The following FAM168A variants were observed in gnomAD, a reference collection of about 807,000 sequenced individuals.
The protein encoded by FAM168A is protein FAM168A.
In FAM168A, 3 loss-of-function variants were observed where a neutral mutation model predicts 28.5. That is an observed-to-expected ratio of 0.11 (90% CI 0.05 to 0.27). The LOEUF (loss-of-function observed/expected upper bound fraction) is 0.27. Among genes scored for constraint, FAM168A ranks in the 10% least tolerant of loss-of-function variants. FAM168A has a pLI of 1.00. For synonymous variants in FAM168A, 122 were observed against 124.2 expected (o/e 0.98, Z 0.12); for missense variants, 222 against 311.5 (o/e 0.71, Z 2.16).
chr11:73,454,692 T>C (rs2134552332), intron 2 of FAM168A, among the ~76,000 whole-genome samples: 1 of 152,318 alleles, frequency 6.6e-6, no homozygotes, highest in East Asian at 1.9e-4. Flanking sequence ...AAACTCCAGA[T>C]TCAGCTGGTA....
intron 1 of FAM168A, among the ~76,000 whole-genome samples, chr11:73,560,295 T>G (rs566223666): frequency 2.0e-5 from 3 of 152,096 alleles, no homozygotes; most frequent in Admixed American, 1.3e-4. Flanking sequence ...AATTATGGCT[T>G]CAAGCATTCC....
At chr11:73,495,300 G>T (rs1854849837) in intron 1 of FAM168A, among the ~76,000 whole-genome samples, 1 of 152,198 alleles carries the variant, frequency 6.6e-6, no homozygotes, top group Non-Finnish European at 1.5e-5. Flanking sequence ...CTGCACTCCA[G>T]CCTGGGCGAC....
intron 1 of FAM168A, among the ~76,000 whole-genome samples, chr11:73,487,794 T>C (rs539256086): frequency 6.6e-6 from 1 of 152,318 alleles, no homozygotes; most frequent in East Asian, 1.9e-4. Flanking sequence ...GTTTGCTCTC[T>C]ATAGTACACC....
chr11:73,521,648 C>T (rs563813820), intron 1 of FAM168A, among the ~76,000 whole-genome samples: 1 of 152,216 alleles, frequency 6.6e-6, no homozygotes, highest in South Asian at 2.1e-4. Context: ...AAAGAAAACA[C>T]AGGGAGCTTG....
chr11:73,454,725 G>A (rs1477807042), intron 2 of FAM168A, among the ~76,000 whole-genome samples: 1 of 152,194 alleles, frequency 6.6e-6, no homozygotes, highest in East Asian at 1.9e-4. Context: ...GCTGGACATT[G>A]GAGAGAAGTG....
At chr11:73,425,216 A>T (rs12288753) in intron 3 of FAM168A, among the ~76,000 whole-genome samples, 29,098 of 152,128 alleles carry the variant, frequency 0.19, 4,103 homozygotes, top group African/African-American at 0.4. Context: ...GGTGACAGAC[A>T]TGTCATCTGG....
chr11:73,490,760 T>C (rs889951084), intron 1 of FAM168A, among the ~76,000 whole-genome samples: 6 of 152,188 alleles, frequency 3.9e-5, no homozygotes, highest in Non-Finnish European at 8.8e-5. Context: ...ACATTATAGT[T>C]ATCTTCCTTG....
chr11:73,531,750 C>T (rs1296714423), intron 1 of FAM168A, among the ~76,000 whole-genome samples: 4 of 151,780 alleles, frequency 2.6e-5, no homozygotes. Flanking sequence ...GCCTTTCATT[C>T]CCCTTCTGTC....
intron 1 of FAM168A, among the ~76,000 whole-genome samples, chr11:73,540,435 T>C (rs1943639245): frequency 6.6e-6 from 1 of 152,186 alleles, no homozygotes; most frequent in African/African-American, 2.4e-5. Flanking sequence ...AATTACCTAA[T>C]GGAAGTCAGA....
chr11:73,447,024 T>C (rs2134540679), intron 2 of FAM168A, among the ~76,000 whole-genome samples: 1 of 152,318 alleles, frequency 6.6e-6, no homozygotes, highest in African/African-American at 2.4e-5. Flanking sequence ...GGGTCTGGCA[T>C]TTTACACTTC....
intron 1 of FAM168A, among the ~76,000 whole-genome samples, chr11:73,505,555 A>G (rs913921607): frequency 6.6e-6 from 1 of 152,224 alleles, no homozygotes; most frequent in Non-Finnish European, 1.5e-5. Flanking sequence ...AGTAAGGACT[A>G]TTAGTGATAT....
chr11:73,447,664 G>A (rs1022276488), intron 2 of FAM168A, among the ~76,000 whole-genome samples: 1 of 151,304 alleles, frequency 6.6e-6, no homozygotes, highest in East Asian at 1.9e-4. Context: ...TGTCCCACAT[G>A]GGAGTTTCTG....
intron 2 of FAM168A, among the ~76,000 whole-genome samples, chr11:73,466,150 A>T (rs1867732593): frequency 6.6e-6 from 1 of 152,210 alleles, no homozygotes; most frequent in African/African-American, 2.4e-5. Context: ...GAAGCAGATG[A>T]CAGTACAATG....
chr11:73,491,785 A>G (rs915420267), intron 1 of FAM168A, among the ~76,000 whole-genome samples: 2 of 152,210 alleles, frequency 1.3e-5, no homozygotes, highest in African/African-American at 4.8e-5. Context: ...ACTGAACCAC[A>G]TAAGCTTGCA....
intron 5 of FAM168A, among the ~76,000 whole-genome samples, chr11:73,410,091 T>TA (rs754308676): frequency 4.4e-4 from 63 of 143,964 alleles, no homozygotes; most frequent in Admixed American, 1.0e-3. Flanking sequence ...GTGCATGTTG[T>TA]AAAAAAAAAA....
At chr11:73,484,550 A>G (rs1158006133) in intron 1 of FAM168A, among the ~76,000 whole-genome samples, 1 of 143,846 alleles carries the variant, frequency 7.0e-6, no homozygotes, top group African/African-American at 2.5e-5. Context: ...ATATCTATCT[A>G]TATCTATATA....
intron 4 of FAM168A, among the ~76,000 whole-genome samples, chr11:73,412,517 G>A (rs1402564201): frequency 6.6e-6 from 1 of 152,214 alleles, no homozygotes; most frequent in African/African-American, 2.4e-5. Context: ...TGAAACATGA[G>A]TCATTCAGGA....
chr11:73,571,381 G>A (rs945606966), intron 1 of FAM168A, among the ~76,000 whole-genome samples: 108 of 151,670 alleles, frequency 7.1e-4, no homozygotes, highest in Middle Eastern at 6.8e-3. Flanking sequence ...GAGTGCCTGC[G>A]ATTGCAGGCG....
At position 73,407,628 on chromosome 11, in the gene FAM168A, G is replaced by A. The variant is rs776079192; in HGVS notation, c.611C>T (p.Thr204Ile). The change falls in exon 7 of 8, where the codon ACA becomes ATA. Residue 204 changes from threonine to isoleucine, a missense_variant. Thr to Ile is a moderately conservative substitution (Grantham distance 89). Around this residue, in one of 3 missense-constraint regions of FAM168A, gnomAD observed 64 missense variants for 94.6 expected, o/e 0.68. Coordinates refer to ENST00000356467, the MANE Select transcript of FAM168A (RefSeq NM_015159.3). ...TGCCCCAATCGCCGTGTGCTGGGGTGTAGTCAGCAGGGTACCTGAGCATCC... is the reference window on the plus strand; with the variant it reads ...TGCCCCAATCGCCGTGTGCTGGGGTATAGTCAGCAGGGTACCTGAGCATCC... ...MAMSAGTLLT[T>I]PQHTAIGAHP... is the part of the protein sequence containing the mutation. The A allele has an allele frequency of 1.2e-6, 2 of 1,610,796 alleles. No individual in the cohort carries two copies. Among genetic ancestry groups the A allele is most frequent in the Admixed American group, 3.4e-5 (2 of 59,410 alleles).
Sources: allele counts gnomAD v4.1 joint callset (sites outside exome capture counted in the v4.1 genomes callset), GRCh38; gene constraint gnomAD v4.1.1; regional missense constraint gnomAD v4.1.1; transcripts MANE v1.5; gene names NCBI Gene and HGNC (gene_info 2026-07-23, HGNC 2026-07-21).